The following ZNF442 variants were observed in gnomAD, a reference collection of about 807,000 sequenced individuals.
ZNF442 encodes zinc finger protein 442.
A neutral mutation model predicts 57.0 loss-of-function variants in ZNF442; 45 were observed. The ratio of observed to expected loss-of-function variants is 0.79; its 90% CI spans 0.62 to 1.01. The LOEUF (loss-of-function observed/expected upper bound fraction) is 1.01, where lower values mean the gene tolerates loss of function less well. Ranked by LOEUF, ZNF442 falls within the 50% of genes least tolerant of loss-of-function variation. The pLI, the probability that ZNF442 is intolerant of heterozygous loss-of-function variation, is 0.00. For synonymous variants in ZNF442, 213 were observed against 241.8 expected (o/e 0.88, Z 1.10); for missense variants, 690 against 756.5 (o/e 0.91, Z 1.03).
At chr19:12,351,567 A>T (rs1277464711) in intron 5 of ZNF442, among the ~76,000 whole-genome samples, 1 of 151,986 alleles carries the variant, frequency 6.6e-6, no homozygotes, top group African/African-American at 2.4e-5. Flanking sequence ...GTGCAGTGGC[A>T]TGATCTCAGC....
At position 12,350,398 on chromosome 19, in the gene ZNF442, A is replaced by G. The variant is rs11085809; in HGVS notation, c.1187T>C (p.Met396Thr). 14,813 of 1,613,760 alleles carry G rather than the reference A, an allele frequency of 9.2e-3. 1,111 individuals carry two copies. In the African/African-American group the frequency reaches 0.17, roughly 18 times the overall value. The change falls in exon 6 of 6, where the codon ATG becomes ACG. Residue 396 changes from methionine (M) to threonine (T), a missense_variant. Met to Thr is a moderately conservative substitution (Grantham distance 81). Coordinates refer to ENST00000242804, the MANE Select transcript of ZNF442 (RefSeq NM_030824.3). The stretch of plus-strand genomic sequence containing the variant: ...AGGTCCATCTCCAGTGTGCATTATC[A>G]TATGACTTCGAAAGCTTGAGTGATG... ...LSHHSSFRSHMIMHTGDGPHK... is the reference protein window; with the variant it reads ...LSHHSSFRSHTIMHTGDGPHK...
chr19:12,355,284 C>G (rs1422873134), intron 3 of ZNF442, among the ~76,000 whole-genome samples: 1 of 138,008 alleles, frequency 7.2e-6, no homozygotes, highest in South Asian at 2.3e-4. Flanking sequence ...GAGCGAGACT[C>G]CATCTCAAAA....
At position 12,365,628 on chromosome 19, in the gene ZNF442, G is replaced by A. The variant is rs1421396391; in HGVS notation, c.-578C>T. The A allele has an allele frequency of 2.6e-5, 7 of 272,070 alleles. No homozygotes were observed. The highest frequency in any genetic ancestry group is 2.0e-4 in the South Asian group (4 of 20,142). The allele number at this position is 272,070 out of a possible 1,614,324, so 16.9% of individuals were successfully genotyped here. A position where few individuals can be genotyped will look rare whatever the true frequency, so the allele number is the denominator to read the frequency against. ...ACAGTGCCTGCCACTGACCTGCCAG[G>A]GCTTCTCTCAGCTACAGAGCCAGGA... is the stretch of plus-strand genomic sequence containing the variant. On this transcript the variant is annotated 5_prime_UTR_variant, in exon 1 of 6. Transcript: ENST00000242804.
chr19:12,351,903 T>A, intron 5 of ZNF442, 107 bp downstream of exon 5: 1 of 943,206 alleles, frequency 1.1e-6, no homozygotes, highest in East Asian at 2.5e-5. Context: ...TAGGAATAAA[T>A]AAGTTTGTAC....
At position 12,350,793 on chromosome 19, in the gene ZNF442, T is replaced by C. The variant is rs1442402199; in HGVS notation, c.792A>G (p.Pro264=). Residue 264 remains proline, a synonymous_variant, in exon 6 of 6, where the codon CCA becomes CCG. Coordinates refer to ENST00000242804, the MANE Select transcript of ZNF442 (RefSeq NM_030824.3). ...RHERTHTGEK[P]YECKHCSKAF... is the part of the protein sequence containing the mutation. ...CTTTGGAACAGTGCTTGCATTCATA[T>C]GGTTTCTCCCCAGTGTGTGTTCTTT... 8 of 1,613,792 alleles carry C rather than the reference T, an allele frequency of 5.0e-6. No homozygotes were observed. The African/African-American group carries it at 8.0e-5, about 16-fold the overall frequency.
chr19:12,361,420 C>T (rs1209320019), intron 3 of ZNF442, among the ~76,000 whole-genome samples: 1 of 152,054 alleles, frequency 6.6e-6, no homozygotes, highest in Non-Finnish European at 1.5e-5. Context: ...AATTCCCCAC[C>T]CTAAAAAGGA....
chr19:12,354,299 A>AAT (rs1969289778), intron 3 of ZNF442, among the ~76,000 whole-genome samples: 1 of 152,190 alleles, frequency 6.6e-6, no homozygotes, highest in Admixed American at 6.5e-5. Context: ...AGACTAATAA[A>AAT]AGATGCTTCA....
At chr19:12,361,311 A>C (rs1969421956) in intron 3 of ZNF442, among the ~76,000 whole-genome samples, 2 of 152,256 alleles carry the variant, frequency 1.3e-5, no homozygotes, top group Admixed American at 6.5e-5. Context: ...AATTAATAAT[A>C]TTTGAGTTCT....
intron 3 of ZNF442, among the ~76,000 whole-genome samples, chr19:12,362,885 G>GAAAA (rs901065168): frequency 7.4e-6 from 1 of 135,422 alleles, no homozygotes; most frequent in Non-Finnish European, 1.6e-5. Context: ...TCTGCCTTGG[G>GAAAA]AAAAAAAAAA....
intron 3 of ZNF442, among the ~76,000 whole-genome samples, chr19:12,362,605 G>A (rs1046138479): frequency 3.4e-5 from 5 of 147,620 alleles, no homozygotes; most frequent in African/African-American, 1.0e-4. Context: ...GGCAGCCCCC[G>A]CCTGGCAGCC....
chr19:12,363,747 C>T (rs1327723824), intron 2 of ZNF442, 76 bp from the exon 3 acceptor site: 1 of 897,660 alleles, frequency 1.1e-6, no homozygotes, highest in African/African-American at 1.6e-5. Context: ...AATATTCCTC[C>T]CATCCCACCC....
At chr19:12,356,603 G>A (rs1969333418) in intron 3 of ZNF442, among the ~76,000 whole-genome samples, 1 of 150,790 alleles carries the variant, frequency 6.6e-6, no homozygotes, top group African/African-American at 2.5e-5. Context: ...CTCCAGCCTG[G>A]GCAACAAGAG....
chr19:12,372,956 T>C, the ZNF442 span, among the ~76,000 whole-genome samples: 1 of 152,194 alleles, frequency 6.6e-6, no homozygotes, highest in Admixed American at 6.5e-5. Context: ...GTATTTTTAG[T>C]AGAGACAGGG....
the ZNF442 span, among the ~76,000 whole-genome samples, chr19:12,373,066 C>T: frequency 6.6e-6 from 1 of 152,198 alleles, no homozygotes; most frequent in East Asian, 1.9e-4. Flanking sequence ...GCCACCGCAC[C>T]CAGCCGGATC....
chr19:12,358,586 T>G (rs1201915633), intron 3 of ZNF442, among the ~76,000 whole-genome samples: 19 of 152,172 alleles, frequency 1.2e-4, no homozygotes, highest in Non-Finnish European at 1.5e-5. Flanking sequence ...TAATACTGAG[T>G]GCATATTAAT....
intron 2 of ZNF442, among the ~76,000 whole-genome samples, chr19:12,364,526 G>A (rs921418267): frequency 1.3e-5 from 2 of 152,088 alleles, no homozygotes; most frequent in African/African-American, 2.4e-5. Context: ...GGAGGGAGGA[G>A]TTCATGATGT....
At chr19:12,361,394 G>GT (rs1442041207) in intron 3 of ZNF442, among the ~76,000 whole-genome samples, 1 of 152,164 alleles carries the variant, frequency 6.6e-6, no homozygotes, top group Non-Finnish European at 1.5e-5. Context: ...GAATAGAACA[G>GT]TTATCCACTG....
At position 12,348,596 on chromosome 19, in the gene ZNF442, A is replaced by G. The variant is rs1459330294; in HGVS notation, c.*1105T>C. ...CTGAACAGATTCTGACATTAGTATT[A>G]TTTAGTCTCTTCCAAACTCAGCATC... On this transcript the variant is annotated 3_prime_UTR_variant, in exon 6 of 6. Transcript: ENST00000242804. 2 of 152,196 alleles carry G rather than the reference A, an allele frequency of 1.3e-5. No homozygotes were observed. Among genetic ancestry groups the G allele is most frequent in the Non-Finnish European group, 2.9e-5 (2 of 68,048 alleles). 9.4% of individuals were successfully genotyped at this position (152,196 alleles called of 1,614,324 possible).
chr19:12,352,973 T>C lies in ZNF442; in HGVS notation c.205+15A>G, dbSNP rs1031285439. 17 of 1,592,858 alleles carry C rather than the reference T, an allele frequency of 1.1e-5. No individual in the cohort carries two copies. In the East Asian group the frequency reaches 3.6e-4, roughly 34 times the overall value. On this transcript the variant is annotated intron_variant, in intron 4 of 5. Transcript: ENST00000242804. ...GTCTCTAATTGACTAAGTGAAGACA[T>C]AATGTCATTTTTACCTATACAGTCC... is the stretch of plus-strand genomic sequence containing the variant.
Sources: allele counts gnomAD v4.1 joint callset (sites outside exome capture counted in the v4.1 genomes callset), GRCh38; gene constraint gnomAD v4.1.1; transcripts MANE v1.5; gene names NCBI Gene and HGNC (gene_info 2026-07-23, HGNC 2026-07-21).